The following CHRNE variants were observed in gnomAD, a reference collection of about 807,000 sequenced individuals.
CHRNE encodes cholinergic receptor nicotinic epsilon subunit.
A neutral mutation model predicts 56.5 loss-of-function variants in CHRNE; 58 were observed. The observed-to-expected ratio is 1.03, with a 90% CI of 0.83 to 1.28. CHRNE has a LOEUF of 1.28. Ranked by LOEUF, CHRNE falls within the 50% of genes most tolerant of loss-of-function variation. The probability of loss-of-function intolerance (pLI) is 0.00; values close to 1 mark genes in which losing one functional copy is unlikely to be tolerated. For synonymous variants in CHRNE, 385 were observed against 297.9 expected, an observed-to-expected ratio of 1.29 and a Z score of -3.01; for missense variants, 793 against 688.9, an observed-to-expected ratio of 1.15 and a Z score of -1.69.
rs1969840591 is a variant in CHRNE at position 4,899,109 on chromosome 17, T to TGGCGGGGAAAAC, written c.1220-14_1220-3dup. On this transcript the variant is annotated splice_polypyrimidine_tract_variant and splice_region_variant and intron_variant, in intron 10 of 11. Coordinates refer to ENST00000649488, the MANE Select transcript of CHRNE (RefSeq NM_000080.4). ...CGCCCAGGCTCTGGCAGAAGGCAGC[T>TGGCGGGGAAAAC]GGCGGGGAAAACACCGGGGTGGGCC... 5.6e-6 allele frequency: 9 copies of TGGCGGGGAAAAC among 1,607,446 alleles called. No homozygotes were observed. In the African/African-American group the frequency reaches 8.0e-5, roughly 14 times the overall value.
In CHRNE at chr17:4,898,893, T is replaced by TG. The variant is rs770570480; in HGVS notation, c.1327-3dup. 1 of 1,576,366 alleles carries TG rather than the reference T, an allele frequency of 6.3e-7. No individual in the cohort carries two copies. The highest frequency in any genetic ancestry group is 1.2e-5 in the South Asian group (1 of 86,464). ...CATGCGCACCCAGTCGGACACTTCCTGGGGAAGGGTCGGCACAGTCAGTAA... is the reference window on the plus strand; with the variant it reads ...CATGCGCACCCAGTCGGACACTTCCTGGGGGAAGGGTCGGCACAGTCAGTAA... On this transcript the variant is annotated splice_polypyrimidine_tract_variant and splice_region_variant and intron_variant, in intron 11 of 11. Transcript: ENST00000649488.
chr17:4,902,019 C>T lies in CHRNE; in HGVS notation c.413G>A (p.Trp138Ter), dbSNP rs1231660310. ...GCTGCGGTAGATGGCCGGAGGCAGC[C>T]ACGTCACGGAGCCGCCCTCGTAGAC... is the stretch of plus-strand genomic sequence containing the variant. ...VLVYEGGSVT[W>*]LPPAIYRSVC... Residue 138 changes from tryptophan (W) to a stop codon, truncating the protein, a stop_gained, in exon 5 of 12, where the codon TGG becomes TAG. Coordinates refer to ENST00000649488, the MANE Select transcript of CHRNE (RefSeq NM_000080.4). LOFTEE classifies it high-confidence loss of function. This position sits in a 1 kb window ranked among gnomAD's most constrained non-coding sequence, Gnocchi z 4.0. The T allele has an allele frequency of 6.2e-7, 1 of 1,614,124 alleles. No individual in the cohort carries two copies. The highest frequency in any genetic ancestry group is 8.5e-7 in the Non-Finnish European group (1 of 1,180,048).
Position 4,902,425 on chromosome 17 carries a change from A to G in CHRNE, c.234+25T>C. 1 of 1,614,136 alleles carries G rather than the reference A, an allele frequency of 6.2e-7. No individual in the cohort carries two copies. The highest frequency in any genetic ancestry group is 8.5e-7 in the Non-Finnish European group (1 of 1,179,994). ...AAAGGGGTGCCCTGGACAAGACCTC[A>G]CACCATTCCCCAGATTTGACTCACG... On this transcript the variant is annotated intron_variant, in intron 3 of 11. Transcript: ENST00000649488. This position sits in a 1 kb window ranked among gnomAD's most constrained non-coding sequence, Gnocchi z 4.0.
At position 4,899,329 on chromosome 17, in the gene CHRNE, G is replaced by T; in HGVS notation, c.1088C>A (p.Pro363His). ...LLGSPPPPEAPRAASPPRRAS... is the reference protein window; with the variant it reads ...LLGSPPPPEAHRAASPPRRAS... ...CCGCCTTGGGGGCGAGGCGGCCCGG[G>T]GGGCCTCGGGCGGCGGCGGGGAGCC... The change falls in exon 10 of 12, where the codon CCC becomes CAC. Residue 363 changes from proline to histidine, a missense_variant. Transcript: ENST00000649488. The T allele has an allele frequency of 1.9e-6, 3 of 1,558,892 alleles. No homozygotes were observed. The highest frequency in any genetic ancestry group is 2.6e-6 in the Non-Finnish European group (3 of 1,159,238).
In CHRNE at chr17:4,902,040, T is replaced by C; in HGVS notation, c.392A>G (p.Tyr131Cys). 1.2e-6 allele frequency: 2 copies of C among 1,614,126 alleles called. No homozygotes were observed. Among genetic ancestry groups the C allele is most frequent in the Non-Finnish European group, 1.7e-6 (2 of 1,180,048 alleles). Residue 131 changes from tyrosine to cysteine, a missense_variant, in exon 5 of 12, where the codon TAC becomes TGC. Physicochemically the swap from Tyr to Cys is radical, Grantham distance 194. Coordinates refer to ENST00000649488, the MANE Select transcript of CHRNE (RefSeq NM_000080.4). This position sits in a 1 kb window ranked among gnomAD's most constrained non-coding sequence, Gnocchi z 4.0. ...GVAYDANVLV[Y>C]EGGSVTWLPP... ...CAGCCACGTCACGGAGCCGCCCTCG[T>C]AGACGAGCACGTTGGCGTCGTAGGC...
Position 4,902,013 on chromosome 17 carries a change from G to A in CHRNE, c.419C>T (p.Pro140Leu). 2 of 1,614,118 alleles carry A rather than the reference G, an allele frequency of 1.2e-6. No individual in the cohort carries two copies. Among genetic ancestry groups the A allele is most frequent in the Non-Finnish European group, 1.7e-6 (2 of 1,180,046 alleles). Residue 140 changes from proline (P) to leucine (L), a missense_variant, in exon 5 of 12, where the codon CCT (proline) becomes CTT (leucine). Physicochemically the swap from Pro to Leu is moderately conservative, Grantham distance 98. Coordinates refer to ENST00000649488, the MANE Select transcript of CHRNE (RefSeq NM_000080.4). This position sits in a 1 kb window ranked among gnomAD's most constrained non-coding sequence, Gnocchi z 4.0. The part of the protein sequence containing the change: ...VYEGGSVTWL[P>L]PAIYRSVCAV... ...GCAGACGCTGCGGTAGATGGCCGGA[G>A]GCAGCCACGTCACGGAGCCGCCCTC...
rs758716291 is a variant in CHRNE at position 4,899,045 on chromosome 17, T to A, written c.1282A>T (p.Asn428Tyr). Residue 428 changes from asparagine to tyrosine, a missense_variant, in exon 11 of 12, where the codon AAC (asparagine) becomes TAC (tyrosine). Coordinates refer to ENST00000649488, the MANE Select transcript of CHRNE (RefSeq NM_000080.4). Reference protein sequence around the residue: ...PEVRCCVDAVNFVAESTRDQE... With the variant: ...PEVRCCVDAVYFVAESTRDQE... Reference sequence around the variant, plus strand: ...TCTCTCGTGCTCTCGGCCACGAAGTTCACGGCATCCACACAGCAGCGGACC... The same window carrying A: ...TCTCTCGTGCTCTCGGCCACGAAGTACACGGCATCCACACAGCAGCGGACC... 130 of 1,611,652 alleles carry A rather than the reference T, an allele frequency of 8.1e-5. No homozygotes were observed. In the South Asian group the frequency reaches 1.4e-3, roughly 17 times the overall value.
At chr17:4,905,099 G>A (rs1970074983), upstream of CHRNE, among the ~76,000 whole-genome samples, 2 of 152,236 alleles carry the variant, frequency 1.3e-5, no homozygotes, top group South Asian at 4.1e-4. Context: ...TTACAGGGCC[G>A]AGTGCTACGG....
At position 4,898,612 on chromosome 17, in the gene CHRNE, T is replaced by G; in HGVS notation, c.*124A>C. Reference sequence around the variant, plus strand: ...AGGGAACGGGCACACACCATTCTTGTGAAGTTCACAAACTGCAGATTGATC... The same window carrying G: ...AGGGAACGGGCACACACCATTCTTGGGAAGTTCACAAACTGCAGATTGATC... On this transcript the variant is annotated 3_prime_UTR_variant, in exon 12 of 12. Coordinates refer to ENST00000649488, the MANE Select transcript of CHRNE (RefSeq NM_000080.4). The G allele has an allele frequency of 2.3e-6, 3 of 1,329,160 alleles. No individual in the cohort carries two copies. The highest frequency in any genetic ancestry group is 3.1e-6 in the Non-Finnish European group (3 of 961,208). 82.3% of individuals were successfully genotyped at this position (1,329,160 alleles called of 1,614,324 possible).
chr17:4,901,038 C>T lies in CHRNE; in HGVS notation c.754G>A (p.Val252Met). 6.2e-7 allele frequency: 1 copy of T among 1,614,074 alleles called. No individual in the cohort carries two copies. Among genetic ancestry groups the T allele is most frequent in the Non-Finnish European group, 8.5e-7 (1 of 1,179,972 alleles). Residue 252 changes from valine to methionine, a missense_variant, in exon 7 of 12, where the codon GTG (valine) becomes ATG (methionine). Transcript: ENST00000649488. ...AGCAGCACCAGGCCCGAGATGAGCA[C>T]ACAGGGCACGATGATGTTAATGACG... is the stretch of plus-strand genomic sequence containing the variant. ...FYVINIIVPC[V>M]LISGLVLLAY...
upstream of CHRNE, chr17:4,903,196 C>T: frequency 2.2e-6 from 2 of 890,482 alleles, no homozygotes; most frequent in Non-Finnish European, 1.8e-6. Context: ...CTCTGCTCAC[C>T]CCTGCTGCAG....
At chr17:4,901,782 G>T (rs916941289) in intron 5 of CHRNE, 150 bp downstream of exon 5, 1 of 1,319,008 alleles carries the variant, frequency 7.6e-7, no homozygotes, top group Non-Finnish European at 1.1e-6. Flanking sequence ...CTGTACCTCC[G>T]GCCGCGCTGG....
chr17:4,900,625 T>C (rs1423213102), intron 8 of CHRNE, 168 bp downstream of exon 8: 1 of 1,501,388 alleles, frequency 6.7e-7, no homozygotes, highest in Non-Finnish European at 9.0e-7. Context: ...CCAGCAGCAG[T>C]GAGGAGGACG....
chr17:4,902,106 C>A lies in CHRNE; in HGVS notation c.345-19G>T, dbSNP rs201555272. 192 of 1,613,864 alleles carry A rather than the reference C, an allele frequency of 1.2e-4. No individual in the cohort carries two copies. Among genetic ancestry groups the A allele is most frequent in the Non-Finnish European group, 1.5e-4 (182 of 1,180,012 alleles). On this transcript the variant is annotated intron_variant, in intron 4 of 11. Transcript: ENST00000649488. The surrounding 1 kb of genome is among the most constrained non-coding windows in gnomAD (Gnocchi z 4.0). Reference sequence around the variant, plus strand: ...ATCAATACTGTGGGCTCGGGGAAACCGAGCTTTTTGCACAGGTCTGCACCC... The same window carrying A: ...ATCAATACTGTGGGCTCGGGGAAACAGAGCTTTTTGCACAGGTCTGCACCC...
chr17:4,900,840 A>G lies in CHRNE; in HGVS notation c.870T>C (p.Ile290=), dbSNP rs775157123. 1 of 1,614,160 alleles carries G rather than the reference A, an allele frequency of 6.2e-7. No homozygotes were observed. The highest frequency in any genetic ancestry group is 1.1e-5 in the South Asian group (1 of 91,088). The change falls in exon 8 of 12, where the codon ATT becomes ATC. Residue 290 remains isoleucine, a synonymous_variant. Coordinates refer to ENST00000649488, the MANE Select transcript of CHRNE (RefSeq NM_000080.4). ...LLAQTVFLFL[I]AQKIPETSLS... ...GAGAAGTCTCTGGGATTTTCTGGGC[A>G]ATGAGGAACAAGAAGACGGTCTGGG... is the stretch of plus-strand genomic sequence containing the variant.
In CHRNE at chr17:4,899,528, G is replaced by T; in HGVS notation, c.972C>A (p.Ile324=). 1 of 1,604,694 alleles carries T rather than the reference G, an allele frequency of 6.2e-7. No homozygotes were observed. Residue 324 remains isoleucine, a synonymous_variant, in exon 9 of 12, where the codon ATC becomes ATA. Coordinates refer to ENST00000649488, the MANE Select transcript of CHRNE (RefSeq NM_000080.4). ...GCGTCCGCTGGGACACGTTGAGCAC[G>T]ATGACGCAATTCATGACAATGAGCG... The part of the protein sequence containing the change: ...VATLIVMNCV[I]VLNVSQRTPT...
chr17:4,904,097 GC>G (rs1447885421), upstream of CHRNE, among the ~76,000 whole-genome samples: 3 of 152,142 alleles, frequency 2.0e-5, no homozygotes, highest in Non-Finnish European at 4.4e-5. Flanking sequence ...GACCTCGTGA[GC>G]CACCTACCTG....
In CHRNE at chr17:4,899,237, C is replaced by T. The variant is rs772486503; in HGVS notation, c.1180G>A (p.Val394Met). The T allele has an allele frequency of 1.9e-6, 3 of 1,607,090 alleles. No homozygotes were observed. Among genetic ancestry groups the T allele is most frequent in the Non-Finnish European group, 2.5e-6 (3 of 1,179,154 alleles). The stretch of plus-strand genomic sequence containing the variant: ...TGCCGGTGCCTCTGCCCCTCAAACA[C>T]GAGCTCGCTCCGTGGCTTTTTCAGT... ...LILKKPRSEL[V>M]FEGQRHRQGT... Residue 394 changes from valine to methionine, a missense_variant, in exon 10 of 12, where the codon GTG becomes ATG. Transcript: ENST00000649488.
At position 4,898,971 on chromosome 17, in the gene CHRNE, C is replaced by T. The variant is rs767063318; in HGVS notation, c.1326+30G>A. The T allele has an allele frequency of 3.1e-6, 4 of 1,274,168 alleles. No homozygotes were observed. The African/African-American group carries it at 5.7e-5, about 18-fold the overall frequency. 78.9% of individuals were successfully genotyped at this position (1,274,168 alleles called of 1,614,324 possible). ...GGGAGACAGTGGTGGGCCTCTGCCT[C>T]GCTCCACCCGCCTCTGGCTCCTGTC... On this transcript the variant is annotated intron_variant, in intron 11 of 11. Coordinates refer to ENST00000649488, the MANE Select transcript of CHRNE (RefSeq NM_000080.4).
Sources: gnomAD v4.1 joint callset for allele counts (sites outside exome capture counted in the v4.1 genomes callset) on GRCh38, gnomAD v4.1.1 for gene constraint, Gnocchi (gnomAD v3.1) non-coding constraint, MANE v1.5 for transcripts, NCBI Gene and HGNC (gene_info 2026-07-23, HGNC 2026-07-21) for gene names.